The following ASAP1 variants were observed in gnomAD, a reference collection of about 807,000 sequenced individuals.
ASAP1 encodes the protein ArfGAP with SH3 domain, ankyrin repeat and PH domain 1.
Under a neutral mutation model 145.2 loss-of-function variants are expected in ASAP1, and 43 were observed. The observed-to-expected ratio is 0.30, with a 90% CI of 0.23 to 0.38. The LOEUF (loss-of-function observed/expected upper bound fraction) is 0.38. Ranked by LOEUF, ASAP1 falls within the 10% of genes least tolerant of loss-of-function variation. The probability of loss-of-function intolerance (pLI) is 1.00; values close to 1 mark genes in which losing one functional copy is unlikely to be tolerated. For missense variants in ASAP1, 1,018 were observed against 1,355.3 expected (o/e 0.75, Z 3.91); for synonymous variants, 546 against 515.5 (o/e 1.06, Z -0.80).
chr8:130,093,666 C>CAAAAAAAAAAAAAAAAAAAAAAAA (rs71572317), intron 24 of ASAP1, among the ~76,000 whole-genome samples: 4 of 52,200 alleles, frequency 7.7e-5, no homozygotes, highest in African/African-American at 2.9e-4. Flanking sequence ...GACTCCGTCT[C>CAAAAAAAAAAAAAAAAAAAAAAAA]AAAAAAAAAA....
At chr8:130,331,654 TAA>T (rs1824697597) in intron 3 of ASAP1, among the ~76,000 whole-genome samples, 4 of 152,156 alleles carry the variant, frequency 2.6e-5, no homozygotes. Context: ...GATAAACATG[TAA>T]AGAGTTTAGC....
At position 130,112,196 on chromosome 8, in the gene ASAP1, A is replaced by G; in HGVS notation, c.2299T>C (p.Tyr767His). The G allele has an allele frequency of 6.2e-7, 1 of 1,614,172 alleles. No homozygotes were observed. The change falls in exon 24 of 30, where the codon TAT becomes CAT. Residue 767 changes from tyrosine to histidine, a missense_variant. This residue lies in a region of ASAP1 where 353 missense variants were observed against 375.4 expected (regional missense o/e 0.94). Transcript: ENST00000518721. ...STPRDKQRLS[Y>H]GAFTNQIFVS... Reference sequence around the variant, plus strand: ...AAGATCTGGTTGGTGAAGGCTCCATAGGAGAGCCGCTGTTTGTCCCTTGGA... The same window carrying G: ...AAGATCTGGTTGGTGAAGGCTCCATGGGAGAGCCGCTGTTTGTCCCTTGGA...
chr8:130,128,135 GGTCA>G, intron 15 of ASAP1, 45 bp from the exon 16 acceptor site: 1 of 500,886 alleles, frequency 2.0e-6, no homozygotes, highest in Non-Finnish European at 2.7e-6. Flanking sequence ...ATAAGAGCAT[GGTCA>G]TTTTTTTTTT....
At chr8:130,399,353 T>C (rs1018484445) in intron 2 of ASAP1, among the ~76,000 whole-genome samples, 4 of 152,194 alleles carry the variant, frequency 2.6e-5, no homozygotes, top group African/African-American at 9.7e-5. Context: ...AAAACCTAAT[T>C]CTAATAATGC....
chr8:130,228,483 T>C (rs562245676), intron 4 of ASAP1, among the ~76,000 whole-genome samples: 1 of 152,054 alleles, frequency 6.6e-6, no homozygotes, highest in African/African-American at 2.4e-5. Context: ...GGTGAATAGC[T>C]TGAGCCCAGG....
intron 3 of ASAP1, among the ~76,000 whole-genome samples, chr8:130,274,416 G>A (rs1820757388): frequency 6.6e-6 from 1 of 152,206 alleles, no homozygotes; most frequent in Non-Finnish European, 1.5e-5. Flanking sequence ...CTTTGGTAGA[G>A]AGGAGATAAT....
At chr8:130,443,209 G>C (rs967720848) in intron 1 of ASAP1, among the ~76,000 whole-genome samples, 1 of 150,764 alleles carries the variant, frequency 6.6e-6, no homozygotes, top group Non-Finnish European at 1.5e-5. Flanking sequence ...TGGAGGCGAG[G>C]AGACCTCCCC....
intron 18 of ASAP1, among the ~76,000 whole-genome samples, chr8:130,121,915 C>T (rs573410497): frequency 2.6e-5 from 4 of 152,080 alleles, no homozygotes; most frequent in South Asian, 2.1e-4. Flanking sequence ...ATGACCTACA[C>T]GATCTGGCTC....
intron 3 of ASAP1, among the ~76,000 whole-genome samples, chr8:130,302,991 C>T (rs561791964): frequency 1.3e-5 from 2 of 151,836 alleles, no homozygotes; most frequent in East Asian, 3.9e-4. Context: ...TTTAAGTCAC[C>T]ACGGGAAAAA....
intron 3 of ASAP1, among the ~76,000 whole-genome samples, chr8:130,260,963 C>T (rs1490480538): frequency 6.6e-6 from 1 of 152,138 alleles, no homozygotes; most frequent in Non-Finnish European, 1.5e-5. Context: ...ATTTCAAAGT[C>T]TCCCAGGGTC....
At chr8:130,111,236 A>T (rs1271961071) in intron 24 of ASAP1, among the ~76,000 whole-genome samples, 1 of 148,330 alleles carries the variant, frequency 6.7e-6, no homozygotes, top group Non-Finnish European at 1.5e-5. Flanking sequence ...AAAAAAAAAA[A>T]GCTGGGCATG....
chr8:130,072,843 T>G (rs1479564317), intron 27 of ASAP1, among the ~76,000 whole-genome samples: 11 of 19,154 alleles, frequency 5.7e-4, no homozygotes, highest in Admixed American at 1.5e-3. Flanking sequence ...GGGGGGGCAG[T>G]TTTGGGGACT....
chr8:130,389,642 C>A (rs1469032125), intron 2 of ASAP1, among the ~76,000 whole-genome samples: 1 of 152,158 alleles, frequency 6.6e-6, no homozygotes, highest in Non-Finnish European at 1.5e-5. Flanking sequence ...CCAGAACTAC[C>A]TAAGCTGGAA....
At chr8:130,339,441 C>T (rs989910689) in intron 3 of ASAP1, among the ~76,000 whole-genome samples, 2 of 151,970 alleles carry the variant, frequency 1.3e-5, no homozygotes, top group African/African-American at 2.4e-5. Flanking sequence ...TACATCGATG[C>T]GGTCAGGGAG....
At chr8:130,070,238 C>T (rs1056050924) in intron 27 of ASAP1, among the ~76,000 whole-genome samples, 1 of 152,094 alleles carries the variant, frequency 6.6e-6, no homozygotes, top group Non-Finnish European at 1.5e-5. Flanking sequence ...GGGGTTTCAC[C>T]GTGTTAGCCA....
At chr8:130,249,340 C>T (rs1046684085) in intron 3 of ASAP1, among the ~76,000 whole-genome samples, 1 of 152,186 alleles carries the variant, frequency 6.6e-6, no homozygotes, top group African/African-American at 2.4e-5. Flanking sequence ...CCACCCTTGT[C>T]ACTGTGACTG....
chr8:130,308,705 C>A (rs1222449798), intron 3 of ASAP1, among the ~76,000 whole-genome samples: 1 of 152,146 alleles, frequency 6.6e-6, no homozygotes, highest in Non-Finnish European at 1.5e-5. Context: ...ATAATTTCAA[C>A]TCCCTCAGTA....
At chr8:130,410,408 A>G (rs1015654138) in intron 1 of ASAP1, among the ~76,000 whole-genome samples, 3 of 152,206 alleles carry the variant, frequency 2.0e-5, no homozygotes, top group Non-Finnish European at 4.4e-5. Flanking sequence ...GAACAACGAA[A>G]TAAACTTGAG....
At chr8:130,412,712 T>A (rs1176678899) in intron 1 of ASAP1, among the ~76,000 whole-genome samples, 1 of 151,786 alleles carries the variant, frequency 6.6e-6, no homozygotes, top group East Asian at 1.9e-4. Flanking sequence ...AGTGCAGTGG[T>A]GCGATCCTGG....
Sources: allele counts gnomAD v4.1 joint callset (sites outside exome capture counted in the v4.1 genomes callset), GRCh38; gene constraint gnomAD v4.1.1; regional missense constraint gnomAD v4.1.1; transcripts MANE v1.5; gene names NCBI Gene and HGNC (gene_info 2026-07-23, HGNC 2026-07-21).